The following NRXN1 variants were observed in gnomAD, a reference collection of about 807,000 sequenced individuals.
NRXN1 encodes the protein neurexin-1.
NRXN1 carries 39 observed loss-of-function variants against 150.9 expected under a neutral mutation model. That is an observed-to-expected ratio of 0.26 (90% CI 0.20 to 0.34). The LOEUF (loss-of-function observed/expected upper bound fraction) is 0.34, where lower values mean the gene tolerates loss of function less well. Ranked by LOEUF, NRXN1 falls within the 10% of genes least tolerant of loss-of-function variation. The probability of loss-of-function intolerance (pLI) is 1.00; values close to 1 mark genes in which losing one functional copy is unlikely to be tolerated. For synonymous variants in NRXN1, 924 were observed against 757.0 expected (o/e 1.22, Z -3.62); for missense variants, 1,815 against 1,949.9 (o/e 0.93, Z 1.30).
intron 17 of NRXN1, among the ~76,000 whole-genome samples, chr2:50,442,531 AG>A (rs993338999): frequency 2.0e-5 from 3 of 152,272 alleles, no homozygotes; most frequent in Admixed American, 6.5e-5. Context: ...GAGAGTGAGG[AG>A]GGAAGTACCA....
rs147827823 is a variant in NRXN1, at chr2:49,985,778, A to C, written c.4129-41987T>G. ...ACTGTCATGCAAATGAGTGAGAATG[A>C]TAACACAGACAAAATCTTGAATCTA... On this transcript the variant is annotated intron_variant, in intron 21 of 22. Coordinates refer to ENST00000401669, the MANE Select transcript of NRXN1 (RefSeq NM_001330078.2). 8.1e-4 allele frequency among the ~76,000 whole-genome samples: 123 copies of C among 152,358 alleles called. No individual in the cohort carries two copies. The Middle Eastern group carries it at 0.01, about 13-fold the overall frequency.
chr2:50,916,487 G>A (rs1685231922), intron 5 of NRXN1, among the ~76,000 whole-genome samples: 1 of 149,150 alleles, frequency 6.7e-6, no homozygotes, highest in Admixed American at 6.7e-5. Flanking sequence ...TAAAAATCTA[G>A]ATTAAAAAAG....
intron 5 of NRXN1, among the ~76,000 whole-genome samples, chr2:50,780,499 T>C (rs1024575225): frequency 3.3e-5 from 5 of 152,158 alleles, no homozygotes; most frequent in African/African-American, 4.8e-5. Context: ...TAAACAATAA[T>C]GGCATGGTCA....
intron 5 of NRXN1, among the ~76,000 whole-genome samples, chr2:50,653,645 A>G (rs2104576964): frequency 6.6e-6 from 1 of 152,212 alleles, no homozygotes; most frequent in African/African-American, 2.4e-5. Flanking sequence ...TTTACACACA[A>G]ATAATGAACA....
At chr2:49,954,082 G>A (rs1674486592) in intron 21 of NRXN1, among the ~76,000 whole-genome samples, 1 of 152,056 alleles carries the variant, frequency 6.6e-6, no homozygotes, top group South Asian at 2.1e-4. Context: ...ACAAAGGAGA[G>A]CTCCGGATAG....
chr2:50,208,182 T>C (rs561640710), intron 18 of NRXN1, among the ~76,000 whole-genome samples: 2 of 152,162 alleles, frequency 1.3e-5, no homozygotes, highest in Admixed American at 6.6e-5. Flanking sequence ...TCAACCACTT[T>C]TGCACCTTCT....
intron 18 of NRXN1, among the ~76,000 whole-genome samples, chr2:50,207,086 C>T (rs58141981): frequency 1.1e-3 from 170 of 152,032 alleles, no homozygotes; most frequent in African/African-American, 4.0e-3. Flanking sequence ...ATGTTAGATG[C>T]TAAAATCTAA....
intron 21 of NRXN1, among the ~76,000 whole-genome samples, chr2:50,005,007 G>A (rs1421579): frequency 0.32 from 48,127 of 151,982 alleles, 8,010 homozygotes; most frequent in East Asian, 0.48. Context: ...AGAAAACAGT[G>A]GGACAGCCTG....
chr2:50,925,795 G>A, intron 3 of NRXN1, 143 bp downstream of exon 3: 2 of 674,110 alleles, frequency 3.0e-6, no homozygotes, highest in East Asian at 2.8e-5. Context: ...TATGTGTTCT[G>A]TATGAAAAGT....
intron 2 of NRXN1, among the ~76,000 whole-genome samples, chr2:50,977,240 A>T (rs942895667): frequency 2.0e-5 from 3 of 151,972 alleles, no homozygotes; most frequent in Non-Finnish European, 2.9e-5. Context: ...TTTATTTTAC[A>T]AATGCAATTA....
chr2:50,268,026 C>A (rs150019710), intron 17 of NRXN1, among the ~76,000 whole-genome samples: 111 of 151,946 alleles, frequency 7.3e-4, no homozygotes, highest in East Asian at 1.6e-3. Flanking sequence ...CTCGTCTCTA[C>A]CAAAATACAA....
chr2:50,068,288 C>A (rs1049431331), intron 19 of NRXN1, among the ~76,000 whole-genome samples: 1 of 151,982 alleles, frequency 6.6e-6, no homozygotes, highest in African/African-American at 2.4e-5. Context: ...AATTGCTAGC[C>A]CCATTCAATT....
At chr2:50,578,112 T>C (rs1174011847) in intron 8 of NRXN1, among the ~76,000 whole-genome samples, 1 of 152,172 alleles carries the variant, frequency 6.6e-6, no homozygotes, top group Non-Finnish European at 1.5e-5. Flanking sequence ...TGTTGCAGAA[T>C]ATTATGAGGA....
At chr2:50,965,486 C>A (rs1693914911) in intron 2 of NRXN1, among the ~76,000 whole-genome samples, 2 of 151,394 alleles carry the variant, frequency 1.3e-5, no homozygotes, top group African/African-American at 4.8e-5. Context: ...AATTTTCAAA[C>A]TGATGCTTTT....
At chr2:50,875,431 C>G (rs1055365906) in intron 5 of NRXN1, among the ~76,000 whole-genome samples, 3 of 151,522 alleles carry the variant, frequency 2.0e-5, no homozygotes, top group Admixed American at 6.6e-5. Flanking sequence ...TATATTAGTT[C>G]CTCAATATAT....
At chr2:50,778,928 A>C (rs1489898619) in intron 5 of NRXN1, among the ~76,000 whole-genome samples, 1 of 152,236 alleles carries the variant, frequency 6.6e-6, no homozygotes, top group Non-Finnish European at 1.5e-5. Context: ...TAAAATATGC[A>C]AAACAAAGAT....
At chr2:50,974,891 T>C (rs1695580494) in intron 2 of NRXN1, among the ~76,000 whole-genome samples, 1 of 152,056 alleles carries the variant, frequency 6.6e-6, no homozygotes, top group South Asian at 2.1e-4. Flanking sequence ...TAAAATGTAC[T>C]TGTATTTTCC....
chr2:50,099,312 A>G (rs1700697441), intron 18 of NRXN1, among the ~76,000 whole-genome samples: 1 of 152,092 alleles, frequency 6.6e-6, no homozygotes, highest in South Asian at 2.1e-4. Context: ...CACACTTCCC[A>G]GAATACCTTT....
chr2:50,171,767 G>C (rs2060045570), intron 18 of NRXN1, among the ~76,000 whole-genome samples: 1 of 152,132 alleles, frequency 6.6e-6, no homozygotes, highest in Non-Finnish European at 1.5e-5. Flanking sequence ...GCAATACAAA[G>C]CCAGTTAGAT....
Sources: gnomAD v4.1 joint callset for allele counts (sites outside exome capture counted in the v4.1 genomes callset) on GRCh38, gnomAD v4.1.1 for gene constraint, MANE v1.5 for transcripts, NCBI Gene and HGNC (gene_info 2026-07-23, HGNC 2026-07-21) for gene names.